The following ADCY9 variants were observed in gnomAD, a reference collection of about 807,000 sequenced individuals.
ADCY9 encodes adenylate cyclase type 9.
In ADCY9, 50 loss-of-function variants were observed where a neutral mutation model predicts 101.5. The ratio of observed to expected loss-of-function variants is 0.49; its 90% CI spans 0.39 to 0.62. The LOEUF (loss-of-function observed/expected upper bound fraction) is 0.62. ADCY9 is among the 20% of genes least tolerant of loss of function. The pLI is 0.00. For missense variants in ADCY9, 1,662 were observed against 1,800.4 expected (o/e 0.92, Z 1.39); for synonymous variants, 905 against 769.3 (o/e 1.18, Z -2.92).
At chr16:4,020,786 A>C (rs958805686) in intron 2 of ADCY9, among the ~76,000 whole-genome samples, 3 of 151,144 alleles carry the variant, frequency 2.0e-5, no homozygotes, top group African/African-American at 7.3e-5. Context: ...AGATCGCGCC[A>C]CTGCACTCCA....
At chr16:4,109,960 G>T (rs1042745340) in intron 2 of ADCY9, among the ~76,000 whole-genome samples, 1 of 151,794 alleles carries the variant, frequency 6.6e-6, no homozygotes, top group African/African-American at 2.4e-5. Context: ...ACTAACAATC[G>T]TCCGCCCCCA....
At chr16:3,993,079 G>A (rs914502341) in intron 4 of ADCY9, among the ~76,000 whole-genome samples, 4 of 152,010 alleles carry the variant, frequency 2.6e-5, no homozygotes, top group South Asian at 2.1e-4. Flanking sequence ...GTCTCTGCCC[G>A]TCTATATTCT....
intron 10 of ADCY9, among the ~76,000 whole-genome samples, chr16:3,969,665 A>G (rs1377830832): frequency 1.6e-5 from 2 of 128,864 alleles, no homozygotes; most frequent in Admixed American, 8.8e-5. Context: ...TCCAAGCTGG[A>G]CTGCAGTGGT....
intron 2 of ADCY9, among the ~76,000 whole-genome samples, chr16:4,053,695 C>A (rs1188920480): frequency 0.045 from 1 of 22 alleles, no homozygotes; most frequent in Non-Finnish European, 0.083. Flanking sequence ...GGCACGGGGA[C>A]CCGATTGCAA....
At chr16:4,001,256 CA>C (rs2056328631) in intron 3 of ADCY9, among the ~76,000 whole-genome samples, 1 of 152,182 alleles carries the variant, frequency 6.6e-6, no homozygotes, top group Non-Finnish European at 1.5e-5. Context: ...GCCCCCTGCT[CA>C]CCCCCAGCCT....
At chr16:4,014,492 G>C (rs2056424818) in intron 2 of ADCY9, among the ~76,000 whole-genome samples, 1 of 151,604 alleles carries the variant, frequency 6.6e-6, no homozygotes, top group African/African-American at 2.4e-5. Flanking sequence ...CTGTTGCCCA[G>C]GCTGGAGCGT....
At chr16:4,081,857 G>A (rs1039884947) in intron 2 of ADCY9, among the ~76,000 whole-genome samples, 1 of 151,146 alleles carries the variant, frequency 6.6e-6, no homozygotes, top group African/African-American at 2.4e-5. Context: ...GTGGCGTGTG[G>A]GTAAGAGCAA....
intron 2 of ADCY9, among the ~76,000 whole-genome samples, chr16:4,097,553 A>ATATATATATTTTTTTT (rs1382458827): frequency 5.6e-5 from 3 of 53,416 alleles, no homozygotes; most frequent in African/African-American, 1.7e-4. Flanking sequence ...ATATATATAT[A>ATATATATATTTTTTTT]TTTTTTTTTT....
intron 2 of ADCY9, among the ~76,000 whole-genome samples, chr16:4,012,043 T>A (rs2056407843): frequency 1.3e-5 from 2 of 152,366 alleles, no homozygotes; most frequent in South Asian, 4.1e-4. Context: ...CAAAAGCATT[T>A]GCAAAACTGT....
chr16:3,992,070 T>G lies in ADCY9; in HGVS notation c.2207+76A>C. On this transcript the variant is annotated intron_variant, in intron 5 of 10. Coordinates refer to ENST00000294016, the MANE Select transcript of ADCY9 (RefSeq NM_001116.4). The surrounding 1 kb of genome is among the most constrained non-coding windows in gnomAD (Gnocchi z 4.2). ...TGGATGACAGAGCGAGACTCAGTCTTAAAGAAAAGAAAAGAAAAAGGCAGA... is the reference window on the plus strand; with the variant it reads ...TGGATGACAGAGCGAGACTCAGTCTGAAAGAAAAGAAAAGAAAAAGGCAGA... 1 of 1,461,000 alleles carries G rather than the reference T, an allele frequency of 6.8e-7. No individual in the cohort carries two copies. Among genetic ancestry groups the G allele is most frequent in the Non-Finnish European group, 9.4e-7 (1 of 1,059,504 alleles). The allele number at this position is 1,461,000 out of a possible 1,614,324, so 90.5% of individuals were successfully genotyped here. A position where few individuals can be genotyped will look rare whatever the true frequency, so the allele number is the denominator to read the frequency against.
At chr16:4,044,477 TC>T (rs1473848710) in intron 2 of ADCY9, among the ~76,000 whole-genome samples, 1 of 151,638 alleles carries the variant, frequency 6.6e-6, no homozygotes, top group Non-Finnish European at 1.5e-5. Flanking sequence ...GCAAAGGAAA[TC>T]AAAAAAAGGC....
rs2057140645 is a variant in ADCY9, at chr16:4,115,092, C to T, written c.351G>A (p.Arg117=). The change falls in exon 2 of 11, where the codon CGG becomes CGA. Residue 117 remains arginine, a synonymous_variant. Transcript: ENST00000294016. This position sits in a 1 kb window ranked among gnomAD's most constrained non-coding sequence, Gnocchi z 6.2. The part of the protein sequence containing the change: ...RCFPQTQRRF[R]YALFYIGFAC... ...CGAAGCCGATGTAGAAGAGCGCATACCGGAACCGGCGCTGGGTCTGCGGGA... is the reference window on the plus strand; with the variant it reads ...CGAAGCCGATGTAGAAGAGCGCATATCGGAACCGGCGCTGGGTCTGCGGGA... 1.2e-6 allele frequency: 2 copies of T among 1,613,950 alleles called. No individual in the cohort carries two copies. The highest frequency in any genetic ancestry group is 1.7e-6 in the Non-Finnish European group (2 of 1,180,036).
chr16:4,083,239 T>G (rs1300678058), intron 2 of ADCY9, among the ~76,000 whole-genome samples: 6 of 152,260 alleles, frequency 3.9e-5, no homozygotes, highest in Non-Finnish European at 8.8e-5. Flanking sequence ...AACATGCTTA[T>G]TTTATCAAAA....
intron 2 of ADCY9, among the ~76,000 whole-genome samples, chr16:4,025,576 C>T (rs534322463): frequency 4.6e-5 from 7 of 152,268 alleles, no homozygotes; most frequent in South Asian, 2.1e-4. Context: ...AGAAGGCACA[C>T]GCGGTCAGTC....
downstream of ADCY9, among the ~76,000 whole-genome samples, chr16:3,960,877 A>G (rs77301309): frequency 2.0e-5 from 3 of 152,356 alleles, no homozygotes; most frequent in Non-Finnish European, 4.4e-5. Context: ...GAAGATTTTA[A>G]ATGTACATGT....
At chr16:4,055,956 C>T (rs919171067) in intron 2 of ADCY9, among the ~76,000 whole-genome samples, 10 of 152,182 alleles carry the variant, frequency 6.6e-5, no homozygotes, top group Non-Finnish European at 8.8e-5. Flanking sequence ...CAAGTACAAG[C>T]GCTGCAACGA....
chr16:4,031,100 G>A (rs1455169522), intron 2 of ADCY9, among the ~76,000 whole-genome samples: 1 of 152,194 alleles, frequency 6.6e-6, no homozygotes, highest in Non-Finnish European at 1.5e-5. Context: ...TTGGATCCTG[G>A]ATGAACACCA....
chr16:3,991,170 A>T lies in ADCY9; in HGVS notation c.2207+976T>A, dbSNP rs559491899. ...CATCAATGAATGTTAAATCTAGGGA[A>T]TTCTGATGGGGAATGAAATATGTAC... On this transcript the variant is annotated intron_variant, in intron 5 of 10. Coordinates refer to ENST00000294016, the MANE Select transcript of ADCY9 (RefSeq NM_001116.4). Among the ~76,000 whole-genome samples, 4 of 152,336 alleles carry T rather than the reference A, an allele frequency of 2.6e-5. No homozygotes were observed. The South Asian group carries it at 8.3e-4, about 32-fold the overall frequency.
intron 2 of ADCY9, among the ~76,000 whole-genome samples, chr16:4,094,725 G>A (rs1486565825): frequency 6.6e-6 from 1 of 152,072 alleles, no homozygotes; most frequent in Non-Finnish European, 1.5e-5. Flanking sequence ...ATCAGGCACT[G>A]CAGATCACAC....
Sources: gnomAD v4.1 joint callset for allele counts (sites outside exome capture counted in the v4.1 genomes callset) on GRCh38, gnomAD v4.1.1 for gene constraint, Gnocchi (gnomAD v3.1) non-coding constraint, MANE v1.5 for transcripts, NCBI Gene and HGNC (gene_info 2026-07-23, HGNC 2026-07-21) for gene names.